The following DPP6 variants were observed in gnomAD, a reference collection of about 807,000 sequenced individuals.
DPP6 encodes the protein dipeptidyl peptidase like 6.
In DPP6, 69 loss-of-function variants were observed where a neutral mutation model predicts 122.6. The observed-to-expected ratio is 0.56, with a 90% CI of 0.46 to 0.69. The LOEUF (loss-of-function observed/expected upper bound fraction) is 0.69, where lower values mean the gene tolerates loss of function less well. DPP6 is among the 30% of genes least tolerant of loss of function. The pLI, the probability that DPP6 is intolerant of heterozygous loss-of-function variation, is 0.00. For synonymous variants in DPP6, 418 were observed against 433.1 expected (o/e 0.97, Z 0.43); for missense variants, 928 against 1,116.9 (o/e 0.83, Z 2.41).
At chr7:153,986,144 A>T (rs975576979) in intron 1 of DPP6, among the ~76,000 whole-genome samples, 8 of 152,244 alleles carry the variant, frequency 5.3e-5, no homozygotes, top group African/African-American at 1.9e-4. Flanking sequence ...CTTCTGATGA[A>T]ATTCAAACCA....
At chr7:154,299,975 G>T in intron 1 of DPP6, among the ~76,000 whole-genome samples, 1 of 152,308 alleles carries the variant, frequency 6.6e-6, no homozygotes, top group East Asian at 1.9e-4. Flanking sequence ...TCTGGAGGGG[G>T]GAGAATGGCT....
chr7:154,284,469 A>C (rs1396610002), intron 1 of DPP6, among the ~76,000 whole-genome samples: 2 of 152,262 alleles, frequency 1.3e-5, no homozygotes, highest in Admixed American at 1.3e-4. Flanking sequence ...ATGGATCAAT[A>C]AAATGTGGTA....
At chr7:154,649,560 T>C (rs10271636) in intron 6 of DPP6, among the ~76,000 whole-genome samples, 96,267 of 152,070 alleles carry the variant, frequency 0.63, 31,508 homozygotes, top group East Asian at 0.79. Flanking sequence ...GGTCACTGTG[T>C]ATGGCAGGTG....
rs1195253139 is a variant in DPP6, at chr7:154,624,474, C to G, written c.628-13347C>G. The stretch of plus-strand genomic sequence containing the variant: ...CTGGGCAACAAGAGTGAAACTCTGT[C>G]TCAACAAACAAACAAACAAACAAAA... On this transcript the variant is annotated intron_variant, in intron 5 of 25. Coordinates refer to ENST00000377770, the MANE Select transcript of DPP6 (RefSeq NM_130797.4). The surrounding 1 kb of genome is among the most constrained non-coding windows in gnomAD (Gnocchi z 4.7). Among the ~76,000 whole-genome samples, 2 of 152,048 alleles carry G rather than the reference C, an allele frequency of 1.3e-5. No individual in the cohort carries two copies. The highest frequency in any genetic ancestry group is 4.8e-5 in the African/African-American group (2 of 41,400).
intron 1 of DPP6, among the ~76,000 whole-genome samples, chr7:154,395,767 G>T (rs79640797): frequency 0.014 from 2,195 of 151,702 alleles, 57 homozygotes; most frequent in African/African-American, 0.051. Flanking sequence ...AATTGTTCTG[G>T]CTAGAACTTC....
At chr7:153,797,340 A>G in the DPP6 span, among the ~76,000 whole-genome samples, 342 of 152,326 alleles carry the variant, frequency 2.2e-3, no homozygotes, top group African/African-American at 7.6e-3. Context: ...GGAGAAGAAG[A>G]AAACGGGGAA....
chr7:153,842,276 T>A, the DPP6 span, among the ~76,000 whole-genome samples: 1 of 152,226 alleles, frequency 6.6e-6, no homozygotes, highest in African/African-American at 2.4e-5. Context: ...ATAGCATTTT[T>A]AATTTAGTTT....
At chr7:154,565,579 G>A (rs907439107) in intron 4 of DPP6, among the ~76,000 whole-genome samples, 1 of 152,068 alleles carries the variant, frequency 6.6e-6, no homozygotes, top group Admixed American at 6.6e-5. Context: ...AGGCTGGAGT[G>A]CAATGGCGCG....
At chr7:154,608,319 T>TTATATATATATATATATA (rs1563922092) in intron 5 of DPP6, among the ~76,000 whole-genome samples, 3 of 81,298 alleles carry the variant, frequency 3.7e-5, no homozygotes, top group Admixed American at 2.9e-4. Context: ...TTAGGAGTGA[T>TTATATATATATATATATA]CATATATATA....
At chr7:154,291,287 G>T (rs1019040841) in intron 1 of DPP6, among the ~76,000 whole-genome samples, 4 of 152,126 alleles carry the variant, frequency 2.6e-5, no homozygotes, top group Admixed American at 2.6e-4. Flanking sequence ...ACCCCAAAAT[G>T]CAGGCTCAGA....
At chr7:154,557,949 T>TTTA (rs987273318) in intron 4 of DPP6, among the ~76,000 whole-genome samples, 11 of 152,122 alleles carry the variant, frequency 7.2e-5, no homozygotes, top group African/African-American at 2.4e-4. Flanking sequence ...CCACAATTAC[T>TTTA]TTATTATTAT....
At chr7:154,256,201 T>C (rs1036787274) in intron 1 of DPP6, among the ~76,000 whole-genome samples, 1 of 152,234 alleles carries the variant, frequency 6.6e-6, no homozygotes, top group African/African-American at 2.4e-5. Context: ...ATTTAAGGAA[T>C]AAATTATTGG....
intron 6 of DPP6, among the ~76,000 whole-genome samples, chr7:154,660,322 T>C (rs1440523692): frequency 2.8e-5 from 4 of 142,450 alleles, no homozygotes; most frequent in Non-Finnish European, 3.0e-5. Flanking sequence ...GCCGTAGTGT[T>C]CACGCAGTCA....
intron 3 of DPP6, among the ~76,000 whole-genome samples, chr7:154,528,162 C>G (rs1387967292): frequency 6.6e-6 from 1 of 152,060 alleles, no homozygotes; most frequent in African/African-American, 2.4e-5. Flanking sequence ...AAGTAACTAG[C>G]AATTGGTGGT....
At chr7:154,883,551 C>G (rs1249880181) in intron 21 of DPP6, 1 of 77,420 alleles carries the variant, frequency 1.3e-5, no homozygotes, top group African/African-American at 5.1e-5. Flanking sequence ...TTCACACACA[C>G]CTGCTCACAC....
intron 15 of DPP6, among the ~76,000 whole-genome samples, chr7:154,805,632 A>G (rs1385649306): frequency 6.6e-6 from 1 of 152,238 alleles, no homozygotes; most frequent in Non-Finnish European, 1.5e-5. Context: ...CAAGTTTCCA[A>G]ATCTCAAAGA....
At chr7:154,750,875 GAGA>G (rs1169387335) in intron 8 of DPP6, among the ~76,000 whole-genome samples, 2 of 152,180 alleles carry the variant, frequency 1.3e-5, no homozygotes, top group African/African-American at 4.8e-5. Flanking sequence ...CAGGTGTAAG[GAGA>G]AGGACGGCTC....
chr7:154,883,795 C>T (rs997911118), intron 21 of DPP6: 8 of 130,754 alleles, frequency 6.1e-5, no homozygotes, highest in East Asian at 2.8e-4. Flanking sequence ...TTACATACAC[C>T]GACTCACGCA....
intron 7 of DPP6, among the ~76,000 whole-genome samples, chr7:154,705,451 C>T (rs1840775474): frequency 1.3e-5 from 2 of 152,166 alleles, no homozygotes. Context: ...TCCATATGGC[C>T]AGGAAGACAA....
Sources: allele counts gnomAD v4.1 joint callset (sites outside exome capture counted in the v4.1 genomes callset), GRCh38; gene constraint gnomAD v4.1.1; non-coding constraint Gnocchi (gnomAD v3.1); transcripts MANE v1.5; gene names NCBI Gene and HGNC (gene_info 2026-07-23, HGNC 2026-07-21).